MYCBP2: variants seen among roughly 807,000 people sequenced by gnomAD.
MYCBP2 encodes MYC binding protein 2.
Under a neutral mutation model 525.3 loss-of-function variants are expected in MYCBP2, and 120 were observed. That is an observed-to-expected ratio of 0.23 (90% CI 0.20 to 0.27). MYCBP2 has a LOEUF of 0.27. Among genes scored for constraint, MYCBP2 ranks in the 10% least tolerant of loss-of-function variants. The probability of loss-of-function intolerance (pLI) is 1.00; values close to 1 mark genes in which losing one functional copy is unlikely to be tolerated. For synonymous variants in MYCBP2, 1,894 were observed against 1,955.8 expected, an observed-to-expected ratio of 0.97 and a Z score of 0.83; for missense variants, 4,149 against 5,657.1, an observed-to-expected ratio of 0.73 and a Z score of 8.55.
intron 23 of MYCBP2, among the ~76,000 whole-genome samples, chr13:77,210,910 A>T (rs2063923566): frequency 6.6e-6 from 1 of 152,186 alleles, no homozygotes; most frequent in South Asian, 2.1e-4. Flanking sequence ...ACACAGTCAA[A>T]GTAACTTCTC....
chr13:77,238,242 CAAAAA>C (rs772175406), intron 17 of MYCBP2, among the ~76,000 whole-genome samples: 1 of 28,310 alleles, frequency 3.5e-5, no homozygotes, highest in East Asian at 1.1e-3. Context: ...GACTCCGTCT[CAAAAA>C]AAAAAAAAAA....
Position 77,205,265 on chromosome 13 carries a change from A to G in MYCBP2, c.3834T>C (p.Ala1278=), listed in dbSNP as rs2063195814. 1 of 1,587,814 alleles carries G rather than the reference A, an allele frequency of 6.3e-7. No homozygotes were observed. Among genetic ancestry groups the G allele is most frequent in the Non-Finnish European group, 8.6e-7 (1 of 1,165,426 alleles). The change falls in exon 26 of 83, where the codon GCT becomes GCC. Residue 1278 remains alanine, a synonymous_variant. Coordinates refer to ENST00000544440, the MANE Select transcript of MYCBP2 (RefSeq NM_015057.5). ...TGTTGATGAACTTTACCTTAATTTT[A>G]GCAGTATATTCTCCTCTACCTCCAA... is the stretch of plus-strand genomic sequence containing the variant. ...GLFGGRGEYT[A]KIKLFELGPD...
At chr13:77,063,515 A>T (rs2039675816) in intron 73 of MYCBP2, among the ~76,000 whole-genome samples, 1 of 142,074 alleles carries the variant, frequency 7.0e-6, no homozygotes, top group Non-Finnish European at 1.5e-5. Flanking sequence ...CCAAGATCGT[A>T]CCATTGCACT....
intron 51 of MYCBP2, 133 bp downstream of exon 51, chr13:77,139,914 A>G: frequency 3.6e-6 from 2 of 562,258 alleles, no homozygotes; most frequent in Non-Finnish European, 6.2e-6. Flanking sequence ...CACATTCTAT[A>G]AAATAGTTTT....
At chr13:77,200,887 A>G (rs1252453465) in intron 26 of MYCBP2, among the ~76,000 whole-genome samples, 1 of 152,202 alleles carries the variant, frequency 6.6e-6, no homozygotes, top group Non-Finnish European at 1.5e-5. Context: ...GAGCTCCTGA[A>G]GGAAGTGCTA....
chr13:77,087,720 ACT>A (rs2044586000), intron 61 of MYCBP2, 87 bp from the exon 62 acceptor site: 1 of 1,123,954 alleles, frequency 8.9e-7, no homozygotes, highest in Non-Finnish European at 1.3e-6. Flanking sequence ...ATGGATTAAG[ACT>A]TCAAAGAAAG....
intron 54 of MYCBP2, among the ~76,000 whole-genome samples, chr13:77,123,972 AC>A (rs1344082593): frequency 1.3e-5 from 2 of 152,226 alleles, no homozygotes; most frequent in Non-Finnish European, 2.9e-5. Flanking sequence ...ATCAAGCGGA[AC>A]CCTTATCTTT....
At chr13:77,116,118 CATAAG>C (rs1327521120) in intron 55 of MYCBP2, among the ~76,000 whole-genome samples, 1 of 151,784 alleles carries the variant, frequency 6.6e-6, no homozygotes, top group East Asian at 1.9e-4. Flanking sequence ...GTAAAACAGA[CATAAG>C]AGACAGTATC....
chr13:77,302,050 G>A (rs1197686566), intron 1 of MYCBP2, among the ~76,000 whole-genome samples: 5 of 152,000 alleles, frequency 3.3e-5, no homozygotes, highest in East Asian at 1.9e-4. Flanking sequence ...AACAGAGAAC[G>A]AGACATGTGG....
chr13:77,319,422 GA>G (rs1430278204), intron 1 of MYCBP2, among the ~76,000 whole-genome samples: 1 of 152,136 alleles, frequency 6.6e-6, no homozygotes, highest in African/African-American at 2.4e-5. Flanking sequence ...GCATAGCTGA[GA>G]GAGAATTCTA....
intron 55 of MYCBP2, among the ~76,000 whole-genome samples, chr13:77,101,145 A>C (rs1019135012): frequency 2.0e-5 from 3 of 152,108 alleles, no homozygotes; most frequent in Non-Finnish European, 4.4e-5. Flanking sequence ...CATTTATTTC[A>C]GAAACTGAAC....
At chr13:77,175,680 G>T (rs1380810237) in intron 36 of MYCBP2, among the ~76,000 whole-genome samples, 2 of 152,124 alleles carry the variant, frequency 1.3e-5, no homozygotes, top group Non-Finnish European at 2.9e-5. Context: ...TAGGAAATAG[G>T]CTGGGCGCGG....
At chr13:77,134,886 A>C (rs1018931372) in intron 52 of MYCBP2, among the ~76,000 whole-genome samples, 6 of 152,258 alleles carry the variant, frequency 3.9e-5, no homozygotes, top group Non-Finnish European at 8.8e-5. Flanking sequence ...GTTCATACTT[A>C]ACGATGAATA....
At chr13:77,068,943 TTAA>T in intron 69 of MYCBP2, 112 bp from the exon 70 acceptor site, 2 of 1,032,936 alleles carry the variant, frequency 1.9e-6, no homozygotes, top group African/African-American at 1.6e-5. Context: ...GATACTCAAT[TTAA>T]TACTATTCTC....
intron 42 of MYCBP2, 97 bp downstream of exon 42, chr13:77,165,176 G>C (rs1350969918): frequency 3.8e-6 from 4 of 1,062,822 alleles, no homozygotes; most frequent in Middle Eastern, 2.0e-4. Flanking sequence ...TTTTCGAATA[G>C]AGGCAACAGT....
chr13:77,083,886 A>G (rs747533053), intron 62 of MYCBP2, among the ~76,000 whole-genome samples: 11 of 152,148 alleles, frequency 7.2e-5, no homozygotes, highest in Admixed American at 2.0e-4. Flanking sequence ...AATTTCTATT[A>G]CCAGTTTCTT....
At chr13:77,242,604 T>C (rs567843854) in intron 17 of MYCBP2, among the ~76,000 whole-genome samples, 2 of 152,160 alleles carry the variant, frequency 1.3e-5, no homozygotes, top group African/African-American at 2.4e-5. Context: ...GAGGGCAGCA[T>C]AGCAGGACTA....
intron 1 of MYCBP2, among the ~76,000 whole-genome samples, chr13:77,308,982 C>T (rs148958125): frequency 4.6e-5 from 7 of 152,278 alleles, no homozygotes; most frequent in Non-Finnish European, 1.0e-4. Flanking sequence ...TCTTTTCAGG[C>T]AGATAGTCAT....
rs994505390 is a variant in MYCBP2 at position 77,185,387 on chromosome 13, G to A, written c.4445-10C>T. The A allele has an allele frequency of 6.9e-6, 11 of 1,596,254 alleles. No homozygotes were observed. The highest frequency in any genetic ancestry group is 6.8e-6 in the Non-Finnish European group (8 of 1,170,976). On this transcript the variant is annotated splice_polypyrimidine_tract_variant and intron_variant, in intron 31 of 82. Transcript: ENST00000544440. The stretch of plus-strand genomic sequence containing the variant: ...ACTGCTTTTCCTGTAGCTTTGAGGG[G>A]GAAAAAGCAGATTGGTAATTAAGCA...
Sources: allele counts gnomAD v4.1 joint callset (sites outside exome capture counted in the v4.1 genomes callset), GRCh38; gene constraint gnomAD v4.1.1; transcripts MANE v1.5; gene names NCBI Gene and HGNC (gene_info 2026-07-23, HGNC 2026-07-21).